The following DHX15 variants were observed in gnomAD, a reference collection of about 807,000 sequenced individuals.
The protein encoded by DHX15 is ATP-dependent RNA helicase DHX15.
In DHX15, 11 loss-of-function variants were observed where a neutral mutation model predicts 94.4. That is an observed-to-expected ratio of 0.12 (90% CI 0.07 to 0.19). DHX15 has a LOEUF of 0.19. Ranked by LOEUF, DHX15 falls within the 10% of genes least tolerant of loss-of-function variation. The pLI is 1.00. For synonymous variants in DHX15, 338 were observed against 329.9 expected (o/e 1.02, Z -0.27); for missense variants, 304 against 988.5 (o/e 0.31, Z 9.29).
chr4:24,546,713 T>A (rs1419178899), intron 6 of DHX15, among the ~76,000 whole-genome samples: 1 of 152,184 alleles, frequency 6.6e-6, no homozygotes, highest in Non-Finnish European at 1.5e-5. Flanking sequence ...TTATAAAATC[T>A]ATTTTTCATA....
intron 13 of DHX15, among the ~76,000 whole-genome samples, chr4:24,528,848 TA>T (rs1721017226): frequency 6.6e-6 from 1 of 150,974 alleles, no homozygotes. Context: ...AACCAATATA[TA>T]AATAATAAAT....
In DHX15 at chr4:24,537,898, G is replaced by C. The variant is rs1721227914; in HGVS notation, c.1787-725C>G. ...AAAATAAAGTCCCAAATTTAAAAAA[G>C]AAAAAAAACAAACTTATTTGAATCA... On this transcript the variant is annotated intron_variant, in intron 10 of 13. Transcript: ENST00000336812. This position sits in a 1 kb window ranked among gnomAD's most constrained non-coding sequence, Gnocchi z 4.7. The C allele has an allele frequency of 6.6e-6, 1 of 151,258 alleles. No homozygotes were observed. Among genetic ancestry groups the C allele is most frequent in the Admixed American group, 6.6e-5 (1 of 15,192 alleles). 9.4% of individuals were successfully genotyped at this position (151,258 alleles called of 1,614,324 possible).
chr4:24,530,287 C>A (rs770998076), intron 12 of DHX15: 2 of 159,528 alleles, frequency 1.3e-5, no homozygotes, highest in Non-Finnish European at 2.7e-5. Context: ...CCAGAACATT[C>A]ATGTCTAAGG....
At position 24,533,131 on chromosome 4, in the gene DHX15, T is replaced by C. The variant is rs1721122308; in HGVS notation, c.1910-77A>G. 3 of 1,268,590 alleles carry C rather than the reference T, an allele frequency of 2.4e-6. No individual in the cohort carries two copies. The South Asian group carries it at 3.6e-5, about 15-fold the overall frequency. 78.6% of individuals were successfully genotyped at this position (1,268,590 alleles called of 1,614,324 possible). A position where few individuals can be genotyped will look rare whatever the true frequency, so the allele number is the denominator to read the frequency against. On this transcript the variant is annotated intron_variant, in intron 11 of 13. Coordinates refer to ENST00000336812, the MANE Select transcript of DHX15 (RefSeq NM_001358.3). ...AGGAATGTTCTCTAATTAAAAAAATTGTTATAAAGAATAAGCTAAATAAAC... is the reference window on the plus strand; with the variant it reads ...AGGAATGTTCTCTAATTAAAAAAATCGTTATAAAGAATAAGCTAAATAAAC...
chr4:24,553,021 G>A (rs1721646162), intron 5 of DHX15, among the ~76,000 whole-genome samples: 1 of 152,180 alleles, frequency 6.6e-6, no homozygotes, highest in Non-Finnish European at 1.5e-5. Context: ...TTTAAATAGT[G>A]ATTTAAAAAA....
chr4:24,539,229 G>C (rs537491218), intron 10 of DHX15: 2 of 152,076 alleles, frequency 1.3e-5, no homozygotes, highest in East Asian at 3.9e-4. Context: ...TAATTCCACA[G>C]AATATTTTGA....
intron 4 of DHX15, 74 bp downstream of exon 4, chr4:24,556,177 A>G (rs1455494487): frequency 3.3e-6 from 4 of 1,216,570 alleles, no homozygotes; most frequent in South Asian, 3.7e-5. Context: ...TTGGTTATTG[A>G]TCAGTATGTA....
intron 12 of DHX15, among the ~76,000 whole-genome samples, chr4:24,532,541 G>A (rs962936508): frequency 2.0e-5 from 3 of 152,182 alleles, no homozygotes; most frequent in African/African-American, 7.2e-5. Flanking sequence ...CATTCCTGAA[G>A]AAACAGGTGC....
At position 24,576,322 on chromosome 4, in the gene DHX15, T is replaced by C; in HGVS notation, c.428A>G (p.Lys143Arg). The C allele has an allele frequency of 1.2e-6, 2 of 1,614,228 alleles. No individual in the cohort carries two copies. The highest frequency in any genetic ancestry group is 1.7e-6 in the Non-Finnish European group (2 of 1,180,034). The change falls in exon 2 of 14, where the codon AAG becomes AGG. Residue 143 changes from lysine (K) to arginine (R), a missense_variant. Around this residue, in one of 9 missense-constraint regions of DHX15, gnomAD observed 143 missense variants for 200.5 expected, o/e 0.71. Coordinates refer to ENST00000336812, the MANE Select transcript of DHX15 (RefSeq NM_001358.3). The stretch of plus-strand genomic sequence containing the variant: ...AACCAGAATATCTGTAAACCTATCC[T>C]TGTATTCCCAAACAGGGAGCTGAAG... ...KRLQLPVWEY[K>R]DRFTDILVRH...
At chr4:24,556,631 T>C (rs1721742584) in intron 3 of DHX15, among the ~76,000 whole-genome samples, 1 of 152,154 alleles carries the variant, frequency 6.6e-6, no homozygotes, top group Non-Finnish European at 1.5e-5. Context: ...TCTTGAAAAA[T>C]GTAATACTGA....
Position 24,527,890 on chromosome 4 carries a change from G to C in DHX15, c.*34C>G. 3 of 1,475,598 alleles carry C rather than the reference G, an allele frequency of 2.0e-6. No individual in the cohort carries two copies. Among genetic ancestry groups the C allele is most frequent in the Non-Finnish European group, 2.8e-6 (3 of 1,056,030 alleles). The allele number at this position is 1,475,598 out of a possible 1,614,324, so 91.4% of individuals were successfully genotyped here. ...TTGAGTTCATTCATCTTTTAAAGCT[G>C]TCCTCTCAATAACTTCAGTTCTAAG... On this transcript the variant is annotated 3_prime_UTR_variant, in exon 14 of 14. Transcript: ENST00000336812.
intron 1 of DHX15, among the ~76,000 whole-genome samples, chr4:24,579,662 C>A (rs1255012957): frequency 1.3e-5 from 2 of 152,150 alleles, no homozygotes; most frequent in African/African-American, 4.8e-5. Flanking sequence ...ATGTGGCTAT[C>A]AATATGTTTT....
At chr4:24,563,721 T>C (rs1043154978) in intron 3 of DHX15, among the ~76,000 whole-genome samples, 1 of 152,068 alleles carries the variant, frequency 6.6e-6, no homozygotes, top group Non-Finnish European at 1.5e-5. Flanking sequence ...CGTAAATCCT[T>C]TTGATGTCGT....
At chr4:24,568,798 TA>T (rs1378905108) in intron 3 of DHX15, among the ~76,000 whole-genome samples, 1 of 152,230 alleles carries the variant, frequency 6.6e-6, no homozygotes, top group Admixed American at 6.5e-5. Context: ...ACCTGCATTT[TA>T]AAGTAATACA....
At position 24,551,104 on chromosome 4, in the gene DHX15, AAAG is replaced by A. The variant is rs553069573; in HGVS notation, c.1081-2085_1081-2083del. Among the ~76,000 whole-genome samples, 4 of 152,368 alleles carry A rather than the reference AAAG, an allele frequency of 2.6e-5. No individual in the cohort carries two copies. In the South Asian group the frequency reaches 8.3e-4, roughly 32 times the overall value. On this transcript the variant is annotated intron_variant, in intron 5 of 13. Coordinates refer to ENST00000336812, the MANE Select transcript of DHX15 (RefSeq NM_001358.3). ...ACATAATGAATATCAAGACGGAAAA[AAAG>A]AGAGAGACAGATTATGTATGATAGC...
chr4:24,577,999 A>G (rs1722313125), intron 1 of DHX15, among the ~76,000 whole-genome samples: 1 of 152,188 alleles, frequency 6.6e-6, no homozygotes, highest in African/African-American at 2.4e-5. Context: ...CAGTTGTGTG[A>G]CATGTACAAA....
intron 2 of DHX15, among the ~76,000 whole-genome samples, chr4:24,573,938 G>A (rs1386023868): frequency 1.0e-5 from 1 of 95,488 alleles, no homozygotes; most frequent in Non-Finnish European, 2.4e-5. Flanking sequence ...GCTTGGGCCT[G>A]TAATCCCAGC....
chr4:24,568,820 CTA>C (rs1722053427), intron 3 of DHX15, among the ~76,000 whole-genome samples: 1 of 152,164 alleles, frequency 6.6e-6, no homozygotes, highest in African/African-American at 2.4e-5. Context: ...ACATAATGAG[CTA>C]TGATTTTGCT....
intron 12 of DHX15, among the ~76,000 whole-genome samples, chr4:24,531,613 G>C (rs545632221): frequency 1.3e-5 from 2 of 152,142 alleles, no homozygotes; most frequent in East Asian, 3.9e-4. Context: ...AGGAACTCAG[G>C]AGTCTGAGGT....
Sources: gnomAD v4.1 joint callset for allele counts (sites outside exome capture counted in the v4.1 genomes callset) on GRCh38, gnomAD v4.1.1 for gene constraint, gnomAD v4.1.1 regional missense constraint, Gnocchi (gnomAD v3.1) non-coding constraint, MANE v1.5 for transcripts, NCBI Gene and HGNC (gene_info 2026-07-23, HGNC 2026-07-21) for gene names.